Variants in MYO16 observed in about 807,000 individuals in gnomAD.
MYO16 encodes the protein myosin XVI, also known as unconventional myosin-XVI.
MYO16 carries 94 observed loss-of-function variants against 205.3 expected under a neutral mutation model. That is an observed-to-expected ratio of 0.46 (90% CI 0.39 to 0.54). The LOEUF is 0.54. Ranked by LOEUF, MYO16 falls within the 20% of genes least tolerant of loss-of-function variation. MYO16 has a pLI of 0.00. For synonymous variants in MYO16, 988 were observed against 954.0 expected, an observed-to-expected ratio of 1.04 and a Z score of -0.66; for missense variants, 2,315 against 2,387.5, an observed-to-expected ratio of 0.97 and a Z score of 0.63.
intron 2 of MYO16, among the ~76,000 whole-genome samples, chr13:108,682,689 G>A (rs1882511272): frequency 6.6e-6 from 1 of 152,154 alleles, no homozygotes; most frequent in Non-Finnish European, 1.5e-5. Context: ...CAGACCATGA[G>A]TCGTGCATGG....
intron 20 of MYO16, among the ~76,000 whole-genome samples, chr13:108,983,416 A>G (rs1486409189): frequency 6.6e-6 from 1 of 152,244 alleles, no homozygotes; most frequent in Non-Finnish European, 1.5e-5. Context: ...CAAGAAAGGG[A>G]GTGCCTGTTG....
At chr13:109,053,124 C>T (rs140627572) in intron 25 of MYO16, among the ~76,000 whole-genome samples, 12 of 152,112 alleles carry the variant, frequency 7.9e-5, no homozygotes, top group African/African-American at 2.9e-4. Context: ...GATGGTATTC[C>T]AGAGTGTTTT....
intron 16 of MYO16, among the ~76,000 whole-genome samples, chr13:108,913,993 G>A (rs967737366): frequency 6.6e-6 from 1 of 152,046 alleles, no homozygotes; most frequent in African/African-American, 2.4e-5. Flanking sequence ...TGACCACGAG[G>A]CATCCCTGGA....
At chr13:108,905,027 T>C (rs1341615016) in intron 15 of MYO16, among the ~76,000 whole-genome samples, 1 of 152,194 alleles carries the variant, frequency 6.6e-6, no homozygotes, top group Non-Finnish European at 1.5e-5. Flanking sequence ...TTCAAAAATA[T>C]GTGATAGCAA....
intron 32 of MYO16, among the ~76,000 whole-genome samples, chr13:109,155,312 C>T (rs1877948641): frequency 6.6e-6 from 1 of 152,114 alleles, no homozygotes; most frequent in African/African-American, 2.4e-5. Context: ...GGATAAGTAT[C>T]TGCGGCACTC....
intron 28 of MYO16, among the ~76,000 whole-genome samples, chr13:109,117,783 C>T (rs1875797140): frequency 6.6e-6 from 1 of 152,082 alleles, no homozygotes; most frequent in Non-Finnish European, 1.5e-5. Flanking sequence ...TTTGCCCTGC[C>T]TTGCCAATGA....
At chr13:108,575,748 T>C in the MYO16 span, among the ~76,000 whole-genome samples, 1 of 152,200 alleles carries the variant, frequency 6.6e-6, no homozygotes, top group Non-Finnish European at 1.5e-5. Context: ...TTCTTCTCTC[T>C]GTTCCGTGTT....
intron 2 of MYO16, among the ~76,000 whole-genome samples, chr13:108,687,747 A>C (rs1187603819): frequency 6.6e-6 from 1 of 152,228 alleles, no homozygotes; most frequent in Non-Finnish European, 1.5e-5. Flanking sequence ...ATTTTTTGGG[A>C]ACAGTGTAAT....
At chr13:108,737,880 C>G (rs921190197) in intron 4 of MYO16, among the ~76,000 whole-genome samples, 7 of 152,058 alleles carry the variant, frequency 4.6e-5, no homozygotes, top group African/African-American at 1.4e-4. Context: ...TGTATGTGTC[C>G]AGGAATTTAT....
chr13:109,159,275 C>T (rs1327465818), intron 32 of MYO16, among the ~76,000 whole-genome samples: 1 of 152,148 alleles, frequency 6.6e-6, no homozygotes, highest in African/African-American at 2.4e-5. Context: ...GATCAGCACT[C>T]AAAGGTGGAT....
chr13:109,019,824 G>A lies in MYO16; in HGVS notation c.2709G>A (p.Ala903=), dbSNP rs754653018. The A allele has an allele frequency of 9.3e-6, 15 of 1,613,974 alleles. No individual in the cohort carries two copies. Among genetic ancestry groups the A allele is most frequent in the South Asian group, 2.2e-5 (2 of 91,080 alleles). ...QSLLESSNTN[A]VYSPMKDGNG... is the part of the protein sequence containing the mutation. ...TCCTAGAATCCTCAAACACAAATGCGGTGTACTCCCCCATGAAGGATGGGA... is the reference window on the plus strand; with the variant it reads ...TCCTAGAATCCTCAAACACAAATGCAGTGTACTCCCCCATGAAGGATGGGA... The change falls in exon 23 of 35, where the codon GCG becomes GCA. Residue 903 remains alanine (A), a synonymous_variant. Transcript: ENST00000457511.
intron 9 of MYO16, among the ~76,000 whole-genome samples, chr13:108,829,817 C>T (rs546462347): frequency 6.6e-6 from 1 of 152,242 alleles, no homozygotes; most frequent in South Asian, 2.1e-4. Context: ...GGATAAGACT[C>T]ACAATAGATT....
In MYO16 at chr13:108,630,483, T is replaced by C. The variant is rs571146701; in HGVS notation, c.28+611T>C. Among the ~76,000 whole-genome samples, 25 of 152,348 alleles carry C rather than the reference T, an allele frequency of 1.6e-4. No individual in the cohort carries two copies. The South Asian group carries it at 5.2e-3, about 32-fold the overall frequency. On this transcript the variant is annotated intron_variant, in intron 1 of 34. Coordinates refer to ENST00000457511, the MANE Select transcript of MYO16 (RefSeq NM_001198950.3). ...GTTCTCTTTTGGGCTTATCAAGGGT[T>C]TCTTTAGCGTCTGAAATTTTGGCAG...
intron 4 of MYO16, among the ~76,000 whole-genome samples, chr13:108,733,534 A>C (rs1488252174): frequency 6.6e-6 from 1 of 152,208 alleles, no homozygotes; most frequent in Non-Finnish European, 1.5e-5. Context: ...ATTGCTTATA[A>C]TTCATTCAGA....
intron 1 of MYO16, among the ~76,000 whole-genome samples, chr13:108,654,504 T>C (rs1054306929): frequency 8.5e-5 from 13 of 152,196 alleles, no homozygotes; most frequent in African/African-American, 3.1e-4. Context: ...TTCCCAGTCT[T>C]GGATATGTCT....
At chr13:108,904,180 G>A (rs759264871) in intron 15 of MYO16, among the ~76,000 whole-genome samples, 4 of 152,030 alleles carry the variant, frequency 2.6e-5, no homozygotes, top group Non-Finnish European at 4.4e-5. Context: ...TTCTTGTTTG[G>A]GGGAAAATGT....
At chr13:108,873,030 A>G (rs1879140624) in intron 12 of MYO16, among the ~76,000 whole-genome samples, 1 of 152,204 alleles carries the variant, frequency 6.6e-6, no homozygotes, top group East Asian at 1.9e-4. Context: ...CTGTAGCAAT[A>G]TTAGTGCCTA....
intron 16 of MYO16, among the ~76,000 whole-genome samples, chr13:108,930,354 C>A (rs2139288989): frequency 6.6e-6 from 1 of 152,046 alleles, no homozygotes; most frequent in South Asian, 2.1e-4. Context: ...ATCTATGACA[C>A]CATGAAATGA....
intron 16 of MYO16, among the ~76,000 whole-genome samples, chr13:108,915,012 A>G (rs1034984243): frequency 5.3e-5 from 8 of 152,254 alleles, no homozygotes; most frequent in African/African-American, 1.9e-4. Context: ...AGAACTAAAA[A>G]TGTTGAAAGT....
Sources: allele counts gnomAD v4.1 joint callset (sites outside exome capture counted in the v4.1 genomes callset), GRCh38; gene constraint gnomAD v4.1.1; transcripts MANE v1.5; gene names NCBI Gene and HGNC (gene_info 2026-07-23, HGNC 2026-07-21).